Variants in DIS3 observed in about 807,000 individuals in gnomAD.
DIS3 encodes the protein exosome complex exonuclease RRP44.
Under a neutral mutation model 113.0 loss-of-function variants are expected in DIS3, and 103 were observed. The ratio of observed to expected loss-of-function variants is 0.91; its 90% confidence interval spans 0.78 to 1.07. The LOEUF (loss-of-function observed/expected upper bound fraction) is 1.07, where lower values mean the gene tolerates loss of function less well. DIS3 is among the 50% of genes least tolerant of loss of function. The pLI is 0.00. For synonymous variants in DIS3, 402 were observed against 394.3 expected (o/e 1.02, Z -0.23); for missense variants, 1,121 against 1,167.1 (o/e 0.96, Z 0.58).
In DIS3 at chr13:72,762,899, T is replaced by G. The variant is rs112546634; in HGVS notation, c.2127+552A>C. ...GGAGCCATGAAGCAACATAGACATATGAAACATGCATAAAGACAAGGAAAC... is the reference window on the plus strand; with the variant it reads ...GGAGCCATGAAGCAACATAGACATAGGAAACATGCATAAAGACAAGGAAAC... On this transcript the variant is annotated intron_variant, in intron 16 of 20. Coordinates refer to ENST00000377767, the MANE Select transcript of DIS3 (RefSeq NM_014953.5). Among the ~76,000 whole-genome samples, 696 of 152,024 alleles carry G rather than the reference T, an allele frequency of 4.6e-3. 9 individuals are homozygous for G. Among genetic ancestry groups the G allele is most frequent in the African/African-American group, 0.016 (647 of 41,460 alleles).
At chr13:72,775,189 A>C in intron 6 of DIS3, 22 bp downstream of exon 6, 1 of 1,582,834 alleles carries the variant, frequency 6.3e-7, no homozygotes, top group Non-Finnish European at 8.6e-7. Flanking sequence ...CAGACAAAAA[A>C]AAATCCTGCT....
intron 16 of DIS3, among the ~76,000 whole-genome samples, chr13:72,762,355 C>T (rs1448527850): frequency 6.6e-6 from 1 of 152,134 alleles, no homozygotes; most frequent in Non-Finnish European, 1.5e-5. Context: ...CTTTGTTCTA[C>T]CCTAGGGAGA....
intron 11 of DIS3, 41 bp downstream of exon 11, chr13:72,771,754 A>C (rs2138203826): frequency 6.3e-7 from 1 of 1,576,258 alleles, no homozygotes; most frequent in Non-Finnish European, 8.6e-7. Context: ...AGAATCCTTA[A>C]GTGTCCATGA....
chr13:72,775,180 A>G (rs1593849441), intron 6 of DIS3, 31 bp downstream of exon 6: 1 of 1,577,714 alleles, frequency 6.3e-7, no homozygotes, highest in South Asian at 1.2e-5. Flanking sequence ...AAAGCTACAC[A>G]GACAAAAAAA....
intron 13 of DIS3, among the ~76,000 whole-genome samples, chr13:72,769,596 G>A (rs1026311597): frequency 6.6e-6 from 1 of 151,620 alleles, no homozygotes; most frequent in Non-Finnish European, 1.5e-5. Flanking sequence ...ATTCCTGGGA[G>A]AGCCAACTCA....
intron 6 of DIS3, 117 bp from the exon 7 acceptor site, chr13:72,774,176 A>G (rs970530226): frequency 3.6e-5 from 22 of 604,956 alleles, no homozygotes; most frequent in Non-Finnish European, 5.8e-5. Flanking sequence ...AAATTATGAC[A>G]TAAGACTACA....
In DIS3 at chr13:72,761,682, T is replaced by C. The variant is rs747598437; in HGVS notation, c.2475A>G (p.Gln825=). The C allele has an allele frequency of 9.9e-6, 16 of 1,612,796 alleles. No homozygotes were observed. The highest frequency in any genetic ancestry group is 3.3e-5 in the South Asian group (3 of 90,596). The part of the protein sequence containing the change: ...KNLNFRHKMA[Q]YAQRASVAFH... ...AAGCCACTGATGCACGTTGGGCATA[T>C]TGAGCCATTTTGTGCCGGAAATTTA... Residue 825 remains glutamine, a synonymous_variant, in exon 18 of 21, where the codon CAA becomes CAG. Coordinates refer to ENST00000377767, the MANE Select transcript of DIS3 (RefSeq NM_014953.5).
chr13:72,781,511 C>T (rs1218815527), intron 1 of DIS3, 94 bp downstream of exon 1: 1 of 1,437,024 alleles, frequency 7.0e-7, no homozygotes, highest in African/African-American at 1.4e-5. Context: ...GTATGTGACA[C>T]TGCCAAAGAC....
At chr13:72,765,473 G>T (rs1016998424) in intron 15 of DIS3, among the ~76,000 whole-genome samples, 5 of 152,068 alleles carry the variant, frequency 3.3e-5, no homozygotes, top group African/African-American at 1.2e-4. Flanking sequence ...ACAAGGGGAG[G>T]GAGGGATGGT....
chr13:72,771,736 G>T, intron 11 of DIS3, 59 bp downstream of exon 11: 1 of 1,504,420 alleles, frequency 6.6e-7, no homozygotes, highest in Non-Finnish European at 9.1e-7. Context: ...CTAATTCATG[G>T]CCGTTTAAGA....
rs1277688949 is a variant in DIS3 at position 72,780,878 on chromosome 13, C to T, written c.354G>A (p.Lys118=). The stretch of plus-strand genomic sequence containing the variant: ...GCTCATTAGTGAAAGTATAGAAATG[C>T]TTCTCTTGGTTATTAGTCACATCTC... ...RIRDVTNNQE[K]HFYTFTNEHH... is the part of the protein sequence containing the mutation. The change falls in exon 2 of 21, where the codon AAG becomes AAA. Residue 118 remains lysine, a synonymous_variant. Coordinates refer to ENST00000377767, the MANE Select transcript of DIS3 (RefSeq NM_014953.5). 3 of 1,610,292 alleles carry T rather than the reference C, an allele frequency of 1.9e-6. No individual in the cohort carries two copies. The highest frequency in any genetic ancestry group is 1.7e-6 in the Non-Finnish European group (2 of 1,178,972).
rs528083602 is a variant in DIS3, at chr13:72,753,709, C to T, written c.*6086G>A. 4.3e-6 allele frequency: 7 copies of T among 1,612,202 alleles called. No individual in the cohort carries two copies. The highest frequency in any genetic ancestry group is 5.1e-6 in the Non-Finnish European group (6 of 1,179,234). On this transcript the variant is annotated 3_prime_UTR_variant, in exon 21 of 21. Coordinates refer to ENST00000377767, the MANE Select transcript of DIS3 (RefSeq NM_014953.5). ...TGTCAGATGGATAGTGGCTATAATA[C>T]GCAGAATTGTGGAAGCAATATTATG... is the stretch of plus-strand genomic sequence containing the variant.
rs765957881 is a variant in DIS3, at chr13:72,777,400, A to T, written c.654+20T>A. 4.3e-6 allele frequency: 7 copies of T among 1,612,658 alleles called. No homozygotes were observed. The East Asian group carries it at 1.6e-4, about 36-fold the overall frequency. ...GCTATTTTAATATTTTTACTTTTCAAAAACAAAACAAAAACATACCCCTTC... is the reference window on the plus strand; with the variant it reads ...GCTATTTTAATATTTTTACTTTTCATAAACAAAACAAAAACATACCCCTTC... On this transcript the variant is annotated intron_variant, in intron 4 of 20. Coordinates refer to ENST00000377767, the MANE Select transcript of DIS3 (RefSeq NM_014953.5).
At chr13:72,766,150 C>T in intron 14 of DIS3, 92 bp from the exon 15 acceptor site, 3 of 1,075,434 alleles carry the variant, frequency 2.8e-6, no homozygotes, top group Non-Finnish European at 2.6e-6. Flanking sequence ...ACAATGACTA[C>T]AGCAAGTGTG....
Position 72,766,043 on chromosome 13 carries a change from GGATA to G in DIS3, c.1895_1898del (p.Leu632ProfsTer17), listed in dbSNP as rs1242332293. ...CCATGTGGAATCGAACTTCAGGAGA[GGATA>G]GAGTCAAAGCCCTACATAAAAATTA... On this transcript the variant is annotated frameshift_variant, in exon 15 of 21. Coordinates refer to ENST00000377767, the MANE Select transcript of DIS3 (RefSeq NM_014953.5). LOFTEE classifies it high-confidence loss of function. 3 of 1,610,110 alleles carry G rather than the reference GGATA, an allele frequency of 1.9e-6. No individual in the cohort carries two copies. The African/African-American group carries it at 4.0e-5, about 22-fold the overall frequency.
rs986408997 is a variant in DIS3, at chr13:72,752,802, C to G, written c.*6993G>C. 2 of 152,176 alleles carry G rather than the reference C, an allele frequency of 1.3e-5. No individual in the cohort carries two copies. Among genetic ancestry groups the G allele is most frequent in the African/African-American group, 2.4e-5 (1 of 41,432 alleles). The allele number at this position is 152,176 out of a possible 1,614,324, so 9.4% of individuals were successfully genotyped here. ...TAAAGAGTGCCGTTTCTAGGCTAGT[C>G]TGTACCTTTGTGAGGGAAACAAAAT... is the stretch of plus-strand genomic sequence containing the variant. On this transcript the variant is annotated 3_prime_UTR_variant, in exon 21 of 21. Transcript: ENST00000377767.
At chr13:72,771,240 A>C (rs963839903) in intron 11 of DIS3, 95 bp from the exon 12 acceptor site, 2 of 1,008,478 alleles carry the variant, frequency 2.0e-6, no homozygotes, top group Admixed American at 5.1e-5. Context: ...AAACAAGGAA[A>C]GAAAAGAGTG....
intron 11 of DIS3, among the ~76,000 whole-genome samples, chr13:72,771,566 A>G (rs1053048007): frequency 1.3e-5 from 2 of 152,070 alleles, no homozygotes; most frequent in African/African-American, 4.8e-5. Context: ...TTATGGAAAA[A>G]AGTATACAGA....
chr13:72,760,772 T>C, intron 19 of DIS3, 121 bp from the exon 20 acceptor site: 1 of 1,225,294 alleles, frequency 8.2e-7, no homozygotes, highest in South Asian at 1.7e-5. Context: ...AGCATCTACG[T>C]GTTCAACATA....
Sources: gnomAD v4.1 joint callset for allele counts (sites outside exome capture counted in the v4.1 genomes callset) on GRCh38, gnomAD v4.1.1 for gene constraint, MANE v1.5 for transcripts, NCBI Gene and HGNC (gene_info 2026-07-23, HGNC 2026-07-21) for gene names.